The following SCAPER variants were observed in gnomAD, a reference collection of about 807,000 sequenced individuals.
SCAPER encodes the protein S phase cyclin A-associated protein in the endoplasmic reticulum.
Under a neutral mutation model 182.2 loss-of-function variants are expected in SCAPER, and 98 were observed. The ratio of observed to expected loss-of-function variants is 0.54; its 90% CI spans 0.46 to 0.64. The LOEUF (loss-of-function observed/expected upper bound fraction) is 0.64. SCAPER is among the 30% of genes least tolerant of loss of function. The probability of loss-of-function intolerance (pLI) is 0.00; values close to 1 mark genes in which losing one functional copy is unlikely to be tolerated. For missense variants in SCAPER, 1,432 were observed against 1,690.0 expected, an observed-to-expected ratio of 0.85 and a Z score of 2.68; for synonymous variants, 605 against 564.6, an observed-to-expected ratio of 1.07 and a Z score of -1.01.
chr15:76,604,941 T>C (rs942570583), intron 22 of SCAPER, among the ~76,000 whole-genome samples: 8 of 151,968 alleles, frequency 5.3e-5, no homozygotes, highest in Middle Eastern at 3.4e-3. Flanking sequence ...GACGATGGGG[T>C]TTTCTAAATA....
intron 15 of SCAPER, among the ~76,000 whole-genome samples, chr15:76,733,662 G>A (rs935604404): frequency 6.6e-6 from 1 of 152,118 alleles, no homozygotes; most frequent in Non-Finnish European, 1.5e-5. Context: ...GCAGAGGCAG[G>A]AGAATTGCTG....
chr15:76,746,940 A>G (rs1369995395), intron 15 of SCAPER, among the ~76,000 whole-genome samples: 1 of 152,226 alleles, frequency 6.6e-6, no homozygotes, highest in African/African-American at 2.4e-5. Context: ...TACTACTCAA[A>G]AGGATATAAA....
chr15:76,802,216 A>G (rs1026308737), intron 6 of SCAPER, among the ~76,000 whole-genome samples: 1 of 152,242 alleles, frequency 6.6e-6, no homozygotes, highest in Non-Finnish European at 1.5e-5. Flanking sequence ...GGTCAAAGAC[A>G]TCCAAAAGTT....
At chr15:76,630,924 G>T (rs747567995) in intron 21 of SCAPER, among the ~76,000 whole-genome samples, 1 of 152,132 alleles carries the variant, frequency 6.6e-6, no homozygotes, top group Non-Finnish European at 1.5e-5. Flanking sequence ...TATTGTGTGG[G>T]AGTCTAAGTC....
intron 26 of SCAPER, among the ~76,000 whole-genome samples, chr15:76,415,082 C>T (rs138854480): frequency 7.0e-4 from 106 of 152,114 alleles, no homozygotes; most frequent in African/African-American, 2.2e-3. Context: ...GTAATGAAGA[C>T]GACAAAAACA....
chr15:76,818,521 A>C (rs919979539), intron 5 of SCAPER, among the ~76,000 whole-genome samples: 2 of 152,252 alleles, frequency 1.3e-5, no homozygotes, highest in Non-Finnish European at 2.9e-5. Context: ...AGCCACAGAC[A>C]GGGAGAAAAT....
In SCAPER at chr15:76,701,977, A is replaced by C. The variant is rs970481894; in HGVS notation, c.2401-112T>G. ...GAGTTGAGATCCACCTAGTATTTACATATTAGTCTTAAAAATAGTTTCCTC... is the reference window on the plus strand; with the variant it reads ...GAGTTGAGATCCACCTAGTATTTACCTATTAGTCTTAAAAATAGTTTCCTC... On this transcript the variant is annotated intron_variant, in intron 19 of 31. Coordinates refer to ENST00000563290, the MANE Select transcript of SCAPER (RefSeq NM_020843.4). 4.9e-6 allele frequency: 3 copies of C among 606,696 alleles called. No individual in the cohort carries two copies. The African/African-American group carries it at 5.7e-5, about 11-fold the overall frequency. The allele number at this position is 606,696 out of a possible 1,614,324, so 37.6% of individuals were successfully genotyped here.
At chr15:76,417,472 T>A (rs982630243) in intron 26 of SCAPER, among the ~76,000 whole-genome samples, 1 of 152,182 alleles carries the variant, frequency 6.6e-6, no homozygotes, top group Non-Finnish European at 1.5e-5. Context: ...TAACTGAATA[T>A]TGGTTTGGTA....
intron 20 of SCAPER, among the ~76,000 whole-genome samples, chr15:76,680,289 A>C (rs898436858): frequency 1.3e-5 from 2 of 152,106 alleles, no homozygotes; most frequent in Non-Finnish European, 2.9e-5. Context: ...ACAGAAAATG[A>C]TATACCATCC....
chr15:76,688,618 A>T (rs1000122334), intron 20 of SCAPER, among the ~76,000 whole-genome samples: 6 of 152,128 alleles, frequency 3.9e-5, no homozygotes, highest in African/African-American at 1.4e-4. Flanking sequence ...GTAAGGTGTA[A>T]GGAAAGGGTG....
At chr15:76,544,967 G>A (rs2045128683) in intron 23 of SCAPER, among the ~76,000 whole-genome samples, 1 of 152,024 alleles carries the variant, frequency 6.6e-6, no homozygotes, top group Non-Finnish European at 1.5e-5. Context: ...CAGTCTTTCT[G>A]AACTGATTAA....
intron 22 of SCAPER, among the ~76,000 whole-genome samples, chr15:76,609,164 T>C (rs997094929): frequency 1.3e-5 from 2 of 152,062 alleles, no homozygotes; most frequent in Non-Finnish European, 2.9e-5. Flanking sequence ...CCATCTTGGC[T>C]CCTCCCTGGC....
In SCAPER at chr15:76,719,078, C is replaced by T. The variant is rs1209866919; in HGVS notation, c.2165+9517G>A. Among the ~76,000 whole-genome samples, 4 of 152,124 alleles carry T rather than the reference C, an allele frequency of 2.6e-5. No homozygotes were observed. In the East Asian group the frequency reaches 7.7e-4, roughly 29 times the overall value. ...ATACCCAAAGGAAATGGAATCACCA[C>T]CTCATAAAGATATTTGCACTTCCAT... On this transcript the variant is annotated intron_variant, in intron 17 of 31. Transcript: ENST00000563290.
chr15:76,621,743 A>T, intron 22 of SCAPER, 21 bp downstream of exon 22: 1 of 1,590,346 alleles, frequency 6.3e-7, no homozygotes, highest in Non-Finnish European at 8.6e-7. Context: ...GAAAAGGAGA[A>T]CTAAAATGTG....
At chr15:76,749,151 A>C (rs1294408936) in intron 15 of SCAPER, among the ~76,000 whole-genome samples, 1 of 150,726 alleles carries the variant, frequency 6.6e-6, no homozygotes, top group Non-Finnish European at 1.5e-5. Context: ...CACAAAAATG[A>C]TAATATACTA....
At chr15:76,740,764 T>C (rs2061499424) in intron 15 of SCAPER, among the ~76,000 whole-genome samples, 1 of 152,024 alleles carries the variant, frequency 6.6e-6, no homozygotes, top group Admixed American at 6.5e-5. Context: ...AAATGAAGAA[T>C]TGGTAAGCAA....
chr15:76,795,281 A>G lies in SCAPER; in HGVS notation c.771T>C (p.Asn257=). The G allele has an allele frequency of 1.2e-6, 2 of 1,607,536 alleles. No individual in the cohort carries two copies. Among genetic ancestry groups the G allele is most frequent in the South Asian group, 1.1e-5 (1 of 90,100 alleles). The stretch of plus-strand genomic sequence containing the variant: ...AATGGCTAATTCGAAGTCACTTGCC[A>G]TTTTTGCGTGAGGCCTTCTGCACTG... ...PMTVQKASRK[N]ERKDAEGWET... is the part of the protein sequence containing the mutation. Residue 257 remains asparagine, a splice_region_variant and synonymous_variant, in exon 8 of 32, where the codon AAT becomes AAC. Transcript: ENST00000563290.
chr15:76,478,641 G>A (rs1029509741), intron 24 of SCAPER, among the ~76,000 whole-genome samples: 4 of 152,074 alleles, frequency 2.6e-5, no homozygotes, highest in African/African-American at 9.7e-5. Flanking sequence ...TGAGACAGGA[G>A]CCCGAATTTA....
At chr15:76,486,589 C>T (rs2051675734) in intron 24 of SCAPER, among the ~76,000 whole-genome samples, 1 of 152,110 alleles carries the variant, frequency 6.6e-6, no homozygotes, top group Non-Finnish European at 1.5e-5. Flanking sequence ...ATGCAGCCAA[C>T]AATCATATGA....
Sources: gnomAD v4.1 joint callset for allele counts (sites outside exome capture counted in the v4.1 genomes callset) on GRCh38, gnomAD v4.1.1 for gene constraint, MANE v1.5 for transcripts, NCBI Gene and HGNC (gene_info 2026-07-23, HGNC 2026-07-21) for gene names.